LMX1B: variants seen among roughly 807,000 people sequenced by gnomAD.
The protein encoded by LMX1B is LIM homeobox transcription factor 1-beta.
In LMX1B, 12 loss-of-function variants were observed where a neutral mutation model predicts 51.4. The ratio of observed to expected loss-of-function variants is 0.23; its 90% CI spans 0.15 to 0.38. The LOEUF (loss-of-function observed/expected upper bound fraction) is 0.38, where lower values mean the gene tolerates loss of function less well. LMX1B is among the 10% of genes least tolerant of loss of function. The pLI is 1.00. For synonymous variants in LMX1B, 237 were observed against 235.4 expected (o/e 1.01, Z -0.06); for missense variants, 445 against 571.1 (o/e 0.78, Z 2.25).
intron 2 of LMX1B, among the ~76,000 whole-genome samples, chr9:126,657,976 G>T (rs116040571): frequency 6.6e-6 from 1 of 152,104 alleles, no homozygotes; most frequent in Non-Finnish European, 1.5e-5. Context: ...TGGGCTAGCC[G>T]TCCAGTGATC....
chr9:126,698,910 C>T lies in LMX1B; in HGVS notation c.*2459C>T, dbSNP rs2030442745. 1 of 152,418 alleles carries T rather than the reference C, an allele frequency of 6.6e-6. No homozygotes were observed. The highest frequency in any genetic ancestry group is 6.5e-5 in the Admixed American group (1 of 15,288). The allele number at this position is 152,418 out of a possible 1,614,324, so 9.4% of individuals were successfully genotyped here. A position where few individuals can be genotyped will look rare whatever the true frequency, so the allele number is the denominator to read the frequency against. On this transcript the variant is annotated 3_prime_UTR_variant, in exon 8 of 8. Transcript: ENST00000373474. ...GCCAGCTAGCCCTTCTGCAGCTCTT[C>T]TTACAAACAGAGCCTCTCCAAGGAC...
chr9:126,667,414 C>T (rs1006285970), intron 2 of LMX1B, among the ~76,000 whole-genome samples: 1 of 152,252 alleles, frequency 6.6e-6, no homozygotes, highest in African/African-American at 2.4e-5. Flanking sequence ...TTTGCTGTCA[C>T]ACACACCATA....
rs1313551407 is a variant in LMX1B at position 126,618,355 on chromosome 9, C to T, written c.326+2786C>T. Among the ~76,000 whole-genome samples, 1 of 152,224 alleles carries T rather than the reference C, an allele frequency of 6.6e-6. No individual in the cohort carries two copies. The highest frequency in any genetic ancestry group is 1.5e-5 in the Non-Finnish European group (1 of 68,042). ...CAGACACCCAGAAGTGCCAAGTTGTCTTACGCACCACGGGGGTGATTAATT... is the reference window on the plus strand; with the variant it reads ...CAGACACCCAGAAGTGCCAAGTTGTTTTACGCACCACGGGGGTGATTAATT... On this transcript the variant is annotated intron_variant, in intron 2 of 7. Coordinates refer to ENST00000373474, the MANE Select transcript of LMX1B (RefSeq NM_001174147.2). The surrounding 1 kb of genome is among the most constrained non-coding windows in gnomAD (Gnocchi z 4.5).
At chr9:126,687,749 C>T (rs1197025082) in intron 2 of LMX1B, among the ~76,000 whole-genome samples, 1 of 152,184 alleles carries the variant, frequency 6.6e-6, no homozygotes, top group Non-Finnish European at 1.5e-5. Context: ...CTTGCCCGGT[C>T]ACCAGCTAGC....
intron 2 of LMX1B, among the ~76,000 whole-genome samples, chr9:126,657,031 C>T (rs1348559468): frequency 6.6e-6 from 1 of 152,228 alleles, no homozygotes; most frequent in African/African-American, 2.4e-5. Flanking sequence ...AAGAAGGATT[C>T]ACACTCTTAG....
chr9:126,686,359 T>A (rs1349617617), intron 2 of LMX1B, among the ~76,000 whole-genome samples: 1 of 152,194 alleles, frequency 6.6e-6, no homozygotes, highest in East Asian at 1.9e-4. Flanking sequence ...TTCAGAGTTT[T>A]GTTTATTAGC....
chr9:126,687,644 C>T (rs1183519209), intron 2 of LMX1B, among the ~76,000 whole-genome samples: 1 of 152,244 alleles, frequency 6.6e-6, no homozygotes. Context: ...TGCTGCTTTA[C>T]ACTGACAACT....
intron 2 of LMX1B, among the ~76,000 whole-genome samples, chr9:126,656,241 G>A (rs572434561): frequency 6.6e-6 from 1 of 152,298 alleles, no homozygotes; most frequent in Admixed American, 6.5e-5. Context: ...CACCTCTGTT[G>A]AAGTGAAATA....
chr9:126,623,147 C>T (rs960992162), intron 2 of LMX1B, among the ~76,000 whole-genome samples: 1 of 152,216 alleles, frequency 6.6e-6, no homozygotes, highest in Non-Finnish European at 1.5e-5. Flanking sequence ...AGGGGTCTTG[C>T]CCACCCTTCT....
intron 1 of LMX1B, 146 bp downstream of exon 1, chr9:126,614,734 T>G (rs1170206768): frequency 3.3e-6 from 3 of 915,194 alleles, no homozygotes; most frequent in Non-Finnish European, 4.5e-6. Flanking sequence ...CCTGGAGTGA[T>G]CGCCAGAGGG....
In LMX1B at chr9:126,696,413, C is replaced by A; in HGVS notation, c.1171C>A (p.Arg391=). 1 of 1,614,098 alleles carries A rather than the reference C, an allele frequency of 6.2e-7. No homozygotes were observed. The highest frequency in any genetic ancestry group is 8.5e-7 in the Non-Finnish European group (1 of 1,179,974). ...GGCCCGCGTGGGGAACCCCATCGAC[C>A]GGCTCTACTCCATGCAGAGTTCCTA... ...LQARVGNPID[R]LYSMQSSYFA... Residue 391 remains arginine, a synonymous_variant, in exon 8 of 8, where the codon CGG becomes AGG. Coordinates refer to ENST00000373474, the MANE Select transcript of LMX1B (RefSeq NM_001174147.2).
chr9:126,683,734 T>G (rs930211703), intron 2 of LMX1B, among the ~76,000 whole-genome samples: 10 of 152,194 alleles, frequency 6.6e-5, no homozygotes, highest in African/African-American at 2.4e-4. Flanking sequence ...CAATACATTA[T>G]GATGATTACC....
chr9:126,642,584 A>C (rs1313665659), intron 2 of LMX1B, among the ~76,000 whole-genome samples: 1 of 152,168 alleles, frequency 6.6e-6, no homozygotes, highest in African/African-American at 2.4e-5. Flanking sequence ...GGGCACCCCC[A>C]GCTGTCCCAG....
At chr9:126,627,788 A>G (rs1216717938) in intron 2 of LMX1B, among the ~76,000 whole-genome samples, 1 of 152,194 alleles carries the variant, frequency 6.6e-6, no homozygotes, top group Non-Finnish European at 1.5e-5. Context: ...CCAAGGTCCA[A>G]GTGCAGCTAG....
rs137886230 is a variant in LMX1B at position 126,659,052 on chromosome 9, C to T, written c.327-31784C>T. Among the ~76,000 whole-genome samples the T allele has an allele frequency of 3.3e-3, 509 of 152,312 alleles. 1 individual carries two copies. Among genetic ancestry groups the T allele is most frequent in the African/African-American group, 0.011 (461 of 41,566 alleles). On this transcript the variant is annotated intron_variant, in intron 2 of 7. Transcript: ENST00000373474. The stretch of plus-strand genomic sequence containing the variant: ...GCCGAGGTATCCTCTCCTTCATGCA[C>T]GCACAGAGAGGCATGCAGACGCTCA...
Position 126,615,034 on chromosome 9 carries a change from G to T in LMX1B, c.140-349G>T, listed in dbSNP as rs1274456678. The stretch of plus-strand genomic sequence containing the variant: ...ACGCCACCGTGGGGCGTGTCAGCCA[G>T]CGAGCGCCCCAGCCTCACCTCGCCT... On this transcript the variant is annotated intron_variant, in intron 1 of 7. Coordinates refer to ENST00000373474, the MANE Select transcript of LMX1B (RefSeq NM_001174147.2). The surrounding 1 kb of genome is among the most constrained non-coding windows in gnomAD (Gnocchi z 6.0). 6.6e-6 allele frequency among the ~76,000 whole-genome samples: 1 copy of T among 152,170 alleles called. No individual in the cohort carries two copies. The highest frequency in any genetic ancestry group is 1.5e-5 in the Non-Finnish European group (1 of 68,012).
chr9:126,648,402 G>T (rs564470173), intron 2 of LMX1B, among the ~76,000 whole-genome samples: 1 of 152,298 alleles, frequency 6.6e-6, no homozygotes, highest in African/African-American at 2.4e-5. Flanking sequence ...ACCAGGCCAG[G>T]CTCTGTGCTA....
chr9:126,693,725 T>C, intron 5 of LMX1B, 21 bp from the exon 6 acceptor site: 1 of 1,566,266 alleles, frequency 6.4e-7, no homozygotes, highest in Non-Finnish European at 8.6e-7. Context: ...AGCACCGGCC[T>C]GAACTGCGCT....
intron 2 of LMX1B, among the ~76,000 whole-genome samples, chr9:126,656,580 C>A (rs1836121828): frequency 6.6e-6 from 1 of 152,196 alleles, no homozygotes; most frequent in African/African-American, 2.4e-5. Context: ...TCAGGGAACT[C>A]TTGGGACATG....
Sources: gnomAD v4.1 joint callset for allele counts (sites outside exome capture counted in the v4.1 genomes callset) on GRCh38, gnomAD v4.1.1 for gene constraint, Gnocchi (gnomAD v3.1) non-coding constraint, MANE v1.5 for transcripts, NCBI Gene and HGNC (gene_info 2026-07-23, HGNC 2026-07-21) for gene names.